Variants in UIMC1 observed in about 807,000 individuals in gnomAD.
UIMC1 encodes the protein ubiquitin interaction motif containing 1, also known as BRCA1-A complex subunit RAP80.
UIMC1 carries 42 observed loss-of-function variants against 84.9 expected under a neutral mutation model. That is an observed-to-expected ratio of 0.49 (90% CI 0.39 to 0.64). The LOEUF (loss-of-function observed/expected upper bound fraction) is 0.64, where lower values mean the gene tolerates loss of function less well. Among genes scored for constraint, UIMC1 ranks in the 30% least tolerant of loss-of-function variants. The pLI is 0.00. For missense variants in UIMC1, 825 were observed against 847.6 expected, an observed-to-expected ratio of 0.97 and a Z score of 0.33; for synonymous variants, 281 against 293.0, an observed-to-expected ratio of 0.96 and a Z score of 0.42.
intron 10 of UIMC1, among the ~76,000 whole-genome samples, chr5:176,936,188 A>G (rs1763699476): frequency 1.3e-5 from 2 of 152,228 alleles, no homozygotes; most frequent in African/African-American, 4.8e-5. Context: ...AGCAGCCACC[A>G]TTTATTGCAT....
rs147178390 is a variant in UIMC1, at chr5:177,018,507, G to A, written c.-9+3957C>T. 2.1e-3 allele frequency among the ~76,000 whole-genome samples: 315 copies of A among 152,208 alleles called. 1 individual carries two copies. The highest frequency in any genetic ancestry group is 4.1e-3 in the South Asian group (20 of 4,830). On this transcript the variant is annotated intron_variant, in intron 1 of 5. Transcript: ENST00000509236. ...GTATGCTGAACAGTAGCCAGTTCCC[G>A]TCCCTTAGCAAAGTCATTTCCCTGG...
intron 9 of UIMC1, among the ~76,000 whole-genome samples, chr5:176,949,376 C>A (rs564310888): frequency 6.6e-6 from 1 of 152,296 alleles, no homozygotes; most frequent in South Asian, 2.1e-4. Flanking sequence ...AAACAGGGTT[C>A]ATGCTCTTTG....
intron 1 of UIMC1, among the ~76,000 whole-genome samples, chr5:176,989,668 G>A (rs1772520387): frequency 1.3e-5 from 2 of 150,744 alleles, no homozygotes; most frequent in Admixed American, 6.6e-5. Flanking sequence ...AAAAAAAAAA[G>A]AAATATACTT....
intron 1 of UIMC1, among the ~76,000 whole-genome samples, chr5:176,986,441 G>A (rs1273840733): frequency 2.3e-4 from 35 of 149,864 alleles, no homozygotes; most frequent in Non-Finnish European, 1.0e-4. Context: ...GGCTGAGGCA[G>A]GAGGATAGCT....
chr5:176,908,574 T>A lies in UIMC1; in HGVS notation c.1797A>T (p.Arg599Ser). The A allele has an allele frequency of 1.2e-6, 2 of 1,614,122 alleles. No homozygotes were observed. The highest frequency in any genetic ancestry group is 1.7e-6 in the Non-Finnish European group (2 of 1,180,004). Residue 599 changes from arginine to serine, a missense_variant, in exon 12 of 15, where the codon AGA becomes AGT. Arg to Ser is a moderately radical substitution (Grantham distance 110). Transcript: ENST00000511320. ...ACTTCCCCTCCACAGTTGAACATGCTCTTCCACTCCCTTCAGGTCCATCTC... is the reference window on the plus strand; with the variant it reads ...ACTTCCCCTCCACAGTTGAACATGCACTTCCACTCCCTTCAGGTCCATCTC... ...DQGDGPEGSG[R>S]ACSTVEGKWQ... is the part of the protein sequence containing the mutation.
chr5:176,997,447 G>C (rs569751697), intron 1 of UIMC1, among the ~76,000 whole-genome samples: 1 of 152,164 alleles, frequency 6.6e-6, no homozygotes, highest in East Asian at 1.9e-4. Context: ...CACTCTGGGA[G>C]GCCGAGGCAG....
chr5:176,986,085 G>C (rs1472082644), intron 1 of UIMC1, among the ~76,000 whole-genome samples: 1 of 150,678 alleles, frequency 6.6e-6, no homozygotes. Context: ...TTTTTTTGTA[G>C]AGACAAGACA....
chr5:176,969,893 T>G lies in UIMC1; in HGVS notation c.358-187A>C, dbSNP rs555975165. 1.5e-3 allele frequency: 812 copies of G among 537,532 alleles called. 1 individual carries two copies. Among genetic ancestry groups the G allele is most frequent in the Non-Finnish European group, 2.3e-3 (686 of 303,824 alleles). The allele number at this position is 537,532 out of a possible 1,614,324, so 33.3% of individuals were successfully genotyped here. A position where few individuals can be genotyped will look rare whatever the true frequency, so the allele number is the denominator to read the frequency against. ...TGCAAAGTGTTGTACTAGATCACTA[T>G]ACTAAACCCTTTTTTAAAACAGGGA... is the stretch of plus-strand genomic sequence containing the variant. On this transcript the variant is annotated intron_variant, in intron 4 of 14. Transcript: ENST00000511320.
chr5:176,912,706 C>T (rs1380276873), intron 10 of UIMC1, among the ~76,000 whole-genome samples: 3 of 151,592 alleles, frequency 2.0e-5, no homozygotes, highest in South Asian at 4.2e-4. Context: ...CGCTCTGTCA[C>T]GCAGGCTGGA....
chr5:176,919,138 C>A, intron 10 of UIMC1: 1 of 380,742 alleles, frequency 2.6e-6, no homozygotes, highest in Non-Finnish European at 5.1e-6. Context: ...TATAATCCAC[C>A]CATTTAAAGT....
At chr5:176,977,878 T>G (rs993741902) in intron 2 of UIMC1, among the ~76,000 whole-genome samples, 2 of 151,660 alleles carry the variant, frequency 1.3e-5, no homozygotes, top group Admixed American at 6.6e-5. Flanking sequence ...GCCATTGCAC[T>G]CCAGCTTGGG....
chr5:177,009,905 C>T (rs7737061), upstream of UIMC1, among the ~76,000 whole-genome samples: 14,936 of 152,100 alleles, frequency 0.098, 1,537 homozygotes, highest in African/African-American at 0.26. This position sits in a 1 kb window ranked among gnomAD's most constrained non-coding sequence, Gnocchi z 4.3. Flanking sequence ...CGTGGTGGCA[C>T]GCGCCAGTAA....
intron 1 of UIMC1, among the ~76,000 whole-genome samples, chr5:177,001,810 C>T (rs71601332): frequency 1.3e-5 from 2 of 150,642 alleles, no homozygotes; most frequent in South Asian, 2.1e-4. Flanking sequence ...ATTAGTGGGG[C>T]GAGGTAGCAG....
At chr5:177,005,335 A>G (rs1394815532) in intron 1 of UIMC1, among the ~76,000 whole-genome samples, 12 of 152,034 alleles carry the variant, frequency 7.9e-5, no homozygotes, top group Non-Finnish European at 1.6e-4. Context: ...TCGGCCTCTC[A>G]AAGTGCTGGG....
At position 177,022,572 on chromosome 5, in the gene UIMC1, GAGGTACCAGAGGTAGCAAAGC is replaced by G. The variant is rs540189971; in HGVS notation, c.-138_-118del. ...TTTCCGAATCCACGGCACACGCTCT[GAGGTACCAGAGGTAGCAAAGC>G]AAAATAAGCGCGGGGTCCCGCACGG... is the stretch of plus-strand genomic sequence containing the variant. On this transcript the variant is annotated 5_prime_UTR_variant, in exon 1 of 6. Coordinates refer to the UIMC1 transcript ENST00000509236. The G allele has an allele frequency of 8.1e-4, 531 of 659,068 alleles. 4 individuals are homozygous for G. In the African/African-American group the frequency reaches 8.7e-3, roughly 11 times the overall value. The allele number at this position is 659,068 out of a possible 1,614,324, so 40.8% of individuals were successfully genotyped here. A position where few individuals can be genotyped will look rare whatever the true frequency, so the allele number is the denominator to read the frequency against.
At chr5:176,927,320 C>G (rs1561754084) in intron 10 of UIMC1, among the ~76,000 whole-genome samples, 1 of 151,450 alleles carries the variant, frequency 6.6e-6, no homozygotes, top group African/African-American at 2.4e-5. Flanking sequence ...ATGAGGCAAT[C>G]TTAGCTCACT....
At chr5:176,997,761 T>C (rs1773840017) in intron 1 of UIMC1, among the ~76,000 whole-genome samples, 1 of 151,698 alleles carries the variant, frequency 6.6e-6, no homozygotes, top group Non-Finnish European at 1.5e-5. Context: ...GCTCTTAACA[T>C]AGTCTACAAA....
At chr5:177,006,176 C>T (rs991052969) in intron 1 of UIMC1, 1 of 152,202 alleles carries the variant, frequency 6.6e-6, no homozygotes, top group African/African-American at 2.4e-5. Flanking sequence ...GGCCGCCCCC[C>T]AGGTGTGAAA....
chr5:176,983,929 T>C (rs1771472876), intron 1 of UIMC1, among the ~76,000 whole-genome samples: 1 of 130,604 alleles, frequency 7.7e-6, no homozygotes, highest in South Asian at 2.6e-4. Flanking sequence ...GGCCACCCCA[T>C]CTGGGAAGTG....
Sources: gnomAD v4.1 joint callset for allele counts (sites outside exome capture counted in the v4.1 genomes callset) on GRCh38, gnomAD v4.1.1 for gene constraint, Gnocchi (gnomAD v3.1) non-coding constraint, MANE v1.5 for transcripts, NCBI Gene and HGNC (gene_info 2026-07-23, HGNC 2026-07-21) for gene names.